Variants in CEACAM1 observed in about 807,000 individuals in gnomAD.
CEACAM1 encodes cell adhesion molecule CEACAM1.
Under a neutral mutation model 49.1 loss-of-function variants are expected in CEACAM1, and 31 were observed. The ratio of observed to expected loss-of-function variants is 0.63; its 90% confidence interval spans 0.47 to 0.85. CEACAM1 has a LOEUF of 0.85. CEACAM1 is among the 40% of genes least tolerant of loss of function. The pLI is 0.00. For synonymous variants in CEACAM1, 244 were observed against 247.8 expected, an observed-to-expected ratio of 0.98 and a Z score of 0.14; for missense variants, 570 against 645.3, an observed-to-expected ratio of 0.88 and a Z score of 1.26.
chr19:42,511,520 G>T, intron 7 of CEACAM1, 56 bp downstream of exon 7: 1 of 1,418,266 alleles, frequency 7.1e-7, no homozygotes, highest in Non-Finnish European at 1.0e-6. Flanking sequence ...TCCCTGCCAG[G>T]GGAGGGCACG....
Position 42,519,145 on chromosome 19 carries a change from G to A in CEACAM1, c.1049C>T (p.Thr350Ile), listed in dbSNP as rs1310422690. The A allele has an allele frequency of 3.7e-6, 6 of 1,614,086 alleles. No homozygotes were observed. In the African/African-American group the frequency reaches 4.0e-5, roughly 11 times the overall value. ...ACGGATGGAGATTCCAGTGTCATTT[G>A]TGGAGCAGGTCAGGTTCACAGAGTC... ...DKDSVNLTCS[T>I]NDTGISIRWF... The change falls in exon 5 of 9, where the codon ACA becomes ATA. Residue 350 changes from threonine to isoleucine, a missense_variant. Coordinates refer to ENST00000161559, the MANE Select transcript of CEACAM1 (RefSeq NM_001712.5).
chr19:42,510,307 C>T (rs1192879545), intron 8 of CEACAM1, among the ~76,000 whole-genome samples: 2 of 151,534 alleles, frequency 1.3e-5, no homozygotes, highest in Admixed American at 6.6e-5. Flanking sequence ...AGAATGGTCT[C>T]GATCTCCTGA....
chr19:42,518,434 A>C, intron 5 of CEACAM1: 1 of 159,970 alleles, frequency 6.3e-6, no homozygotes, highest in Admixed American at 6.0e-5. Context: ...AACAAACAAA[A>C]AAACCCAACC....
At chr19:42,528,213 GCCCTCTGT>G (rs943590204) in intron 1 of CEACAM1, 90 bp downstream of exon 1, 3 of 1,009,600 alleles carry the variant, frequency 3.0e-6, no homozygotes, top group African/African-American at 3.3e-5. Context: ...TCCAAGAGAA[GCCCTCTGT>G]CCCCTCTTAG....
At chr19:42,521,637 C>T in intron 3 of CEACAM1, 116 bp from the exon 4 acceptor site, 1 of 1,532,386 alleles carries the variant, frequency 6.5e-7, no homozygotes, top group Non-Finnish European at 8.8e-7. Flanking sequence ...AAGTCCTAAC[C>T]AAACCTCCAT....
chr19:42,519,421 T>A (rs1486795624), intron 4 of CEACAM1, 186 bp from the exon 5 acceptor site: 1 of 606,638 alleles, frequency 1.6e-6, no homozygotes, highest in Non-Finnish European at 2.9e-6. Flanking sequence ...GTTCAGGTGA[T>A]GAATTGTAAG....
chr19:42,519,266 TACTGAG>T, intron 4 of CEACAM1, 31 bp from the exon 5 acceptor site: 1 of 1,610,270 alleles, frequency 6.2e-7, no homozygotes. Flanking sequence ...TGAGATAACC[TACTGAG>T]AATAGGGTTG....
intron 5 of CEACAM1, chr19:42,515,070 T>C: frequency 1.5e-6 from 1 of 667,576 alleles, no homozygotes; most frequent in East Asian, 2.9e-5. Flanking sequence ...GGAGTTCGAG[T>C]CCAGCCTGGG....
rs371432630 is a variant in CEACAM1 at position 42,527,291 on chromosome 19, C to A, written c.174G>T (p.Leu58=). ...AGCTGTAGCCAAAAAGTTGCTGGGG[C>A]AGATTGTGGACAAGGAGAAGAACCT... ...GKEVLLLVHN[L]PQQLFGYSWY... Residue 58 remains leucine, a synonymous_variant, in exon 2 of 9, where the codon CTG becomes CTT. Coordinates refer to ENST00000161559, the MANE Select transcript of CEACAM1 (RefSeq NM_001712.5). 47 of 1,613,926 alleles carry A rather than the reference C, an allele frequency of 2.9e-5. No homozygotes were observed. The highest frequency in any genetic ancestry group is 3.7e-5 in the Non-Finnish European group (44 of 1,179,976).
chr19:42,514,596 G>C (rs2041552805), intron 5 of CEACAM1, among the ~76,000 whole-genome samples: 1 of 152,168 alleles, frequency 6.6e-6, no homozygotes, highest in Non-Finnish European at 1.5e-5. Flanking sequence ...GTTTATATCT[G>C]TTGCAACTAT....
In CEACAM1 at chr19:42,521,298, G is replaced by T; in HGVS notation, c.927C>A (p.Asn309Lys). ...CHANNSVTGC[N>K]RTTVKTIIVT... ...CTATGATCGTCTTGACTGTGGTCCT[G>T]TTGCAGCCAGTGACTGAGTTATTGG... Residue 309 changes from asparagine (N) to lysine (K), a missense_variant, in exon 4 of 9, where the codon AAC (asparagine) becomes AAA (lysine). Physicochemically the swap from Asn to Lys is moderately conservative, Grantham distance 94. Transcript: ENST00000161559. 3.1e-6 allele frequency: 5 copies of T among 1,614,212 alleles called. No homozygotes were observed. Among genetic ancestry groups the T allele is most frequent in the Non-Finnish European group, 4.2e-6 (5 of 1,180,036 alleles).
In CEACAM1 at chr19:42,509,030, A is replaced by C. The variant is rs949939746; in HGVS notation, c.*79T>G. 7.0e-6 allele frequency: 11 copies of C among 1,568,466 alleles called. No homozygotes were observed. The East Asian group carries it at 2.0e-4, about 29-fold the overall frequency. On this transcript the variant is annotated 3_prime_UTR_variant, in exon 9 of 9. Transcript: ENST00000161559. ...TTTCTGTCCCCACCCCTCTACCCCT[A>C]CAGGGGAAAGGAATCTCCTAGTGAT...
intron 5 of CEACAM1, among the ~76,000 whole-genome samples, chr19:42,515,606 T>A (rs1370729651): frequency 6.6e-6 from 1 of 151,798 alleles, no homozygotes; most frequent in Non-Finnish European, 1.5e-5. Flanking sequence ...CCCGGGAAGT[T>A]GAGGCTGTGG....
chr19:42,518,822 T>C, intron 5 of CEACAM1, 126 bp downstream of exon 5: 1 of 1,137,632 alleles, frequency 8.8e-7, no homozygotes, highest in Non-Finnish European at 1.3e-6. Flanking sequence ...TTAACCACTT[T>C]GCAATTCTGT....
intron 2 of CEACAM1, among the ~76,000 whole-genome samples, chr19:42,523,124 A>G (rs1473811836): frequency 6.6e-6 from 1 of 152,166 alleles, no homozygotes; most frequent in African/African-American, 2.4e-5. Context: ...CTCACCTGGA[A>G]CATACAGGTG....
In CEACAM1 at chr19:42,520,033, G is replaced by T. The variant is rs79383219; in HGVS notation, c.959-798C>A. 3.4e-3 allele frequency among the ~76,000 whole-genome samples: 515 copies of T among 152,308 alleles called. 1 individual carries two copies. The highest frequency in any genetic ancestry group is 6.8e-3 in the Middle Eastern group (2 of 294). ...TACTATCTGGAGTTCCAATCCGAAGGATTTCCCACTGTAAAGAGGAGTTTT... is the reference window on the plus strand; with the variant it reads ...TACTATCTGGAGTTCCAATCCGAAGTATTTCCCACTGTAAAGAGGAGTTTT... On this transcript the variant is annotated intron_variant, in intron 4 of 8. Transcript: ENST00000161559.
rs377310080 is a variant in CEACAM1, at chr19:42,523,991, GTATGT to G, written c.425-1794_425-1790del. 6.6e-4 allele frequency among the ~76,000 whole-genome samples: 100 copies of G among 152,324 alleles called. 1 individual carries two copies. The highest frequency in any genetic ancestry group is 2.4e-3 in the African/African-American group (98 of 41,570). The stretch of plus-strand genomic sequence containing the variant: ...ACGATGCCATATGAGGAGAAGTGAT[GTATGT>G]TATGTTAGTAAATTTAGAAAGAGTT... On this transcript the variant is annotated intron_variant, in intron 2 of 8. Coordinates refer to ENST00000161559, the MANE Select transcript of CEACAM1 (RefSeq NM_001712.5).
At chr19:42,509,419 A>G (rs927202101) in intron 8 of CEACAM1, among the ~76,000 whole-genome samples, 191 bp from the exon 9 acceptor site, 1 of 152,208 alleles carries the variant, frequency 6.6e-6, no homozygotes, top group Non-Finnish European at 1.5e-5. Context: ...ATTATGGTAT[A>G]TATGCAATGG....
chr19:42,526,990 G>A (rs1296233549), intron 2 of CEACAM1, 51 bp downstream of exon 2: 1 of 1,571,464 alleles, frequency 6.4e-7, no homozygotes, highest in East Asian at 2.2e-5. Context: ...TCCCATGTGT[G>A]GGAAGTAGAA....
Sources: allele counts gnomAD v4.1 joint callset (sites outside exome capture counted in the v4.1 genomes callset), GRCh38; gene constraint gnomAD v4.1.1; transcripts MANE v1.5; gene names NCBI Gene and HGNC (gene_info 2026-07-23, HGNC 2026-07-21).